The following SNX24 variants were observed in gnomAD, a reference collection of about 807,000 sequenced individuals.
SNX24 encodes the protein sorting nexin-24.
SNX24 carries 22 observed loss-of-function variants against 28.7 expected under a neutral mutation model. The observed-to-expected ratio is 0.77, with a 90% confidence interval of 0.55 to 1.10. The LOEUF (loss-of-function observed/expected upper bound fraction) is 1.10. Ranked by LOEUF, SNX24 falls within the 50% of genes least tolerant of loss-of-function variation. SNX24 has a pLI of 0.00. For synonymous variants in SNX24, 69 were observed against 71.5 expected, an observed-to-expected ratio of 0.96 and a Z score of 0.18; for missense variants, 221 against 201.1, an observed-to-expected ratio of 1.10 and a Z score of -0.60.
intron 2 of SNX24, among the ~76,000 whole-genome samples, chr5:122,938,388 A>C (rs1036864133): frequency 6.6e-6 from 1 of 152,178 alleles, no homozygotes; most frequent in Non-Finnish European, 1.5e-5. Context: ...ACCTATTCTT[A>C]TAATTATATA....
chr5:122,880,672 A>G (rs779691096), intron 1 of SNX24, among the ~76,000 whole-genome samples: 6 of 152,230 alleles, frequency 3.9e-5, no homozygotes, highest in Non-Finnish European at 8.8e-5. Flanking sequence ...TGTGGTCAAA[A>G]TAGAAGCCGA....
At chr5:122,880,383 A>C (rs1159420880) in intron 1 of SNX24, among the ~76,000 whole-genome samples, 1 of 152,212 alleles carries the variant, frequency 6.6e-6, no homozygotes, top group Non-Finnish European at 1.5e-5. Context: ...AGAGGAGGCC[A>C]AGGAAGCAGA....
intron 1 of SNX24, among the ~76,000 whole-genome samples, chr5:122,917,310 T>C (rs1200508487): frequency 6.6e-6 from 1 of 151,948 alleles, no homozygotes; most frequent in Non-Finnish European, 1.5e-5. Context: ...CTCTCCTTGC[T>C]TCTGAAATGC....
chr5:123,010,878 C>G (rs1257107831), downstream of SNX24, among the ~76,000 whole-genome samples: 1 of 151,342 alleles, frequency 6.6e-6, no homozygotes, highest in African/African-American at 2.4e-5. Flanking sequence ...AATATCTTGG[C>G]AATCTTTCTG....
At chr5:122,948,004 T>C (rs527663019) in intron 3 of SNX24, among the ~76,000 whole-genome samples, 4 of 152,300 alleles carry the variant, frequency 2.6e-5, no homozygotes, top group Non-Finnish European at 5.9e-5. Context: ...AATTTTCTAT[T>C]CTCAGAAATA....
chr5:123,012,902 T>A (rs562242231), downstream of SNX24, among the ~76,000 whole-genome samples: 5 of 152,326 alleles, frequency 3.3e-5, no homozygotes, highest in African/African-American at 1.2e-4. Flanking sequence ...AGACCTGTCC[T>A]TGGGTAGTTA....
At chr5:123,021,068 TG>T (rs1251024448) in intron 5 of SNX24, among the ~76,000 whole-genome samples, 4 of 152,118 alleles carry the variant, frequency 2.6e-5, no homozygotes, top group Middle Eastern at 3.4e-3. Context: ...CCATCACTGA[TG>T]ACCACTGTTC....
At chr5:122,978,299 G>C (rs1761251163) in intron 3 of SNX24, among the ~76,000 whole-genome samples, 2 of 152,312 alleles carry the variant, frequency 1.3e-5, no homozygotes, top group African/African-American at 4.8e-5. Flanking sequence ...ATCTGGAAAA[G>C]TAAAGAGTAT....
intron 1 of SNX24, among the ~76,000 whole-genome samples, chr5:122,935,445 T>TAAGGAA (rs1759140412): frequency 6.6e-6 from 1 of 152,194 alleles, no homozygotes; most frequent in African/African-American, 2.4e-5. Flanking sequence ...AAAATATTTC[T>TAAGGAA]AATAGTTCAC....
chr5:122,925,021 TCTC>T (rs778203526), intron 1 of SNX24, among the ~76,000 whole-genome samples: 1 of 133,040 alleles, frequency 7.5e-6, no homozygotes, highest in African/African-American at 2.9e-5. Flanking sequence ...CCCCTCCCCT[TCTC>T]CTTCTCTCCC....
intron 3 of SNX24, among the ~76,000 whole-genome samples, chr5:122,951,488 T>A (rs1759941096): frequency 6.6e-6 from 1 of 152,158 alleles, no homozygotes; most frequent in South Asian, 2.1e-4. Context: ...TGTTTACCAG[T>A]TTCTGAAAAG....
chr5:122,982,719 G>A (rs1561692652), intron 3 of SNX24, among the ~76,000 whole-genome samples: 2 of 152,192 alleles, frequency 1.3e-5, no homozygotes, highest in Admixed American at 1.3e-4. Context: ...GTTACTAAAG[G>A]GGGAGGGGTT....
chr5:122,923,003 T>C lies in SNX24; in HGVS notation c.61-13731T>C, dbSNP rs113672102. Among the ~76,000 whole-genome samples the C allele has an allele frequency of 7.7e-3, 1,179 of 152,204 alleles. 9 individuals are homozygous for C. The highest frequency in any genetic ancestry group is 0.012 in the Non-Finnish European group (794 of 68,006). ...CCATGCATATCCTGGGAAAGTAAAA[T>C]ACCTGATCTATCTATCTATCTTTAT... On this transcript the variant is annotated intron_variant, in intron 1 of 6. Transcript: ENST00000261369.
chr5:122,933,530 A>G (rs1225045076), intron 1 of SNX24, among the ~76,000 whole-genome samples: 5 of 152,176 alleles, frequency 3.3e-5, no homozygotes, highest in African/African-American at 1.2e-4. Context: ...AGCTGAGGTA[A>G]TAGTAGGTAT....
At chr5:122,980,329 G>T (rs1484246497) in intron 3 of SNX24, among the ~76,000 whole-genome samples, 1 of 152,010 alleles carries the variant, frequency 6.6e-6, no homozygotes, top group Non-Finnish European at 1.5e-5. Context: ...TGTTTTAAAA[G>T]CATTTCAGTA....
chr5:122,872,024 T>C (rs1273721226), intron 1 of SNX24, among the ~76,000 whole-genome samples: 3 of 151,614 alleles, frequency 2.0e-5, no homozygotes, highest in Non-Finnish European at 4.4e-5. Context: ...GAACTCACAA[T>C]GTGGAGCAGC....
chr5:122,993,278 A>C (rs991557312), intron 3 of SNX24, among the ~76,000 whole-genome samples: 21 of 148,898 alleles, frequency 1.4e-4, no homozygotes, highest in African/African-American at 5.2e-4. Flanking sequence ...GATCCTTCTT[A>C]AATCTGTTTA....
intron 1 of SNX24, among the ~76,000 whole-genome samples, chr5:122,916,755 A>T (rs1217743998): frequency 6.6e-6 from 1 of 152,192 alleles, no homozygotes; most frequent in Non-Finnish European, 1.5e-5. Context: ...ACTAGGTTGA[A>T]TGATAATCTT....
At chr5:123,011,428 A>C (rs1762576612), downstream of SNX24, among the ~76,000 whole-genome samples, 1 of 152,196 alleles carries the variant, frequency 6.6e-6, no homozygotes, top group Non-Finnish European at 1.5e-5. Flanking sequence ...CCATGTGAAC[A>C]ACCCCAATAT....
Sources: gnomAD v4.1 joint callset for allele counts (sites outside exome capture counted in the v4.1 genomes callset) on GRCh38, gnomAD v4.1.1 for gene constraint, MANE v1.5 for transcripts, NCBI Gene and HGNC (gene_info 2026-07-23, HGNC 2026-07-21) for gene names.